The following TSHR variants were observed in gnomAD, a reference collection of about 807,000 sequenced individuals.
TSHR encodes thyrotropin receptor.
TSHR carries 51 observed loss-of-function variants against 64.1 expected under a neutral mutation model. That is an observed-to-expected ratio of 0.80 (90% CI 0.64 to 1.01). The LOEUF (loss-of-function observed/expected upper bound fraction) is 1.01, where lower values mean the gene tolerates loss of function less well. TSHR is among the 50% of genes least tolerant of loss of function. The pLI is 0.00. For synonymous variants in TSHR, 361 were observed against 361.9 expected, an observed-to-expected ratio of 1.00 and a Z score of 0.03; for missense variants, 877 against 942.8, an observed-to-expected ratio of 0.93 and a Z score of 0.91.
At chr14:81,081,356 A>T (rs1289709017) in intron 3 of TSHR, among the ~76,000 whole-genome samples, 2 of 152,126 alleles carry the variant, frequency 1.3e-5, no homozygotes, top group Non-Finnish European at 2.9e-5. Flanking sequence ...TACATTTACC[A>T]GCTTATTATA....
At chr14:81,077,676 A>G (rs935633828) in intron 3 of TSHR, among the ~76,000 whole-genome samples, 1 of 152,204 alleles carries the variant, frequency 6.6e-6, no homozygotes, top group African/African-American at 2.4e-5. Flanking sequence ...TGTTTAATCC[A>G]TGACATTTAT....
intron 1 of TSHR, among the ~76,000 whole-genome samples, chr14:81,041,087 T>C (rs1884897169): frequency 2.0e-5 from 3 of 152,224 alleles, no homozygotes; most frequent in South Asian, 4.1e-4. Context: ...AGTTCAGCCA[T>C]TGTGGAAGAA....
chr14:81,028,600 G>A (rs573776907), intron 1 of TSHR, among the ~76,000 whole-genome samples: 2 of 152,106 alleles, frequency 1.3e-5, no homozygotes, highest in Admixed American at 6.6e-5. Flanking sequence ...ATTGGATTAC[G>A]GTAATATAAG....
intron 7 of TSHR, 36 bp downstream of exon 7, chr14:81,096,743 C>T: frequency 6.2e-7 from 1 of 1,605,792 alleles, no homozygotes; most frequent in South Asian, 1.1e-5. Context: ...TGTCACTTTC[C>T]CTTACCCTAA....
At chr14:81,104,710 A>T (rs1889785431) in intron 7 of TSHR, 2 of 985,246 alleles carry the variant, frequency 2.0e-6, no homozygotes, top group Admixed American at 6.2e-5. Context: ...CTCATTCCTC[A>T]CCACCTTCAT....
At chr14:81,138,852 C>T (rs1272719367) in intron 8 of TSHR, among the ~76,000 whole-genome samples, 2 of 152,046 alleles carry the variant, frequency 1.3e-5, no homozygotes, top group Non-Finnish European at 2.9e-5. Context: ...ATATTCATGG[C>T]CTTATTCAAG....
At position 81,144,942 on chromosome 14, in the gene TSHR, T is replaced by G. The variant is rs1027599838; in HGVS notation, c.*589T>G. On this transcript the variant is annotated 3_prime_UTR_variant, in exon 10 of 10. Transcript: ENST00000298171. Reference sequence around the variant, plus strand: ...AAGTTTTGTTTTGCTTTGTTTTGTTTTTTAACTCAACCTATTAATCATCTC... The same window carrying G: ...AAGTTTTGTTTTGCTTTGTTTTGTTGTTTAACTCAACCTATTAATCATCTC... The G allele has an allele frequency of 4.3e-6, 1 of 234,620 alleles. No homozygotes were observed. The highest frequency in any genetic ancestry group is 2.2e-5 in the African/African-American group (1 of 45,362). 14.5% of individuals were successfully genotyped at this position (234,620 alleles called of 1,614,324 possible).
intron 4 of TSHR, among the ~76,000 whole-genome samples, chr14:81,089,533 A>C (rs868436338): frequency 2.0e-4 from 30 of 152,262 alleles, no homozygotes; most frequent in South Asian, 6.2e-4. Flanking sequence ...CTAGTTGAGG[A>C]GATGTGTATG....
chr14:81,070,520 G>A (rs1196668998), intron 3 of TSHR, among the ~76,000 whole-genome samples: 2 of 151,042 alleles, frequency 1.3e-5, no homozygotes, highest in African/African-American at 4.9e-5. Context: ...CCAGCTACTC[G>A]GGAGGCTGAG....
At chr14:81,006,114 A>C (rs2139768204) in intron 1 of TSHR, among the ~76,000 whole-genome samples, 1 of 152,282 alleles carries the variant, frequency 6.6e-6, no homozygotes, top group African/African-American at 2.4e-5. Flanking sequence ...CTTTAAAATA[A>C]ACTTTCTGTT....
intron 7 of TSHR, among the ~76,000 whole-genome samples, chr14:81,107,615 G>A (rs189786012): frequency 1.3e-5 from 2 of 152,070 alleles, no homozygotes; most frequent in Non-Finnish European, 2.9e-5. Context: ...TTTTTAAAAT[G>A]GAATGGCCAA....
At chr14:80,982,476 TG>T in intron 1 of TSHR, 1 of 1,077,648 alleles carries the variant, frequency 9.3e-7, no homozygotes, top group Non-Finnish European at 1.3e-6. Flanking sequence ...AACCTAGGTC[TG>T]GGGCTGAGGA....
chr14:81,008,330 G>A (rs961547513), intron 1 of TSHR, among the ~76,000 whole-genome samples: 9 of 151,764 alleles, frequency 5.9e-5, no homozygotes, highest in Non-Finnish European at 8.8e-5. Context: ...CCCCCACCAC[G>A]CCCGGCTAAT....
At chr14:81,122,739 C>T (rs1056056324) in intron 8 of TSHR, among the ~76,000 whole-genome samples, 11 of 152,302 alleles carry the variant, frequency 7.2e-5, no homozygotes, top group African/African-American at 2.6e-4. Flanking sequence ...ACTTCTGGGA[C>T]ATCAGACACC....
intron 6 of TSHR, among the ~76,000 whole-genome samples, chr14:81,094,678 A>ATTTTTTTTTTTTTTTT (rs1889012799): frequency 2.5e-5 from 2 of 78,526 alleles, no homozygotes; most frequent in East Asian, 3.9e-4. Flanking sequence ...TTATTTTTTT[A>ATTTTTTTTTTTTTTTT]ATTTTTTTTT....
chr14:81,040,798 G>C (rs1884882589), intron 1 of TSHR, among the ~76,000 whole-genome samples: 1 of 151,976 alleles, frequency 6.6e-6, no homozygotes, highest in Non-Finnish European at 1.5e-5. Flanking sequence ...CATCTATAAG[G>C]AACTTAAACA....
intron 8 of TSHR, among the ~76,000 whole-genome samples, chr14:81,129,630 C>G (rs1425688993): frequency 6.6e-6 from 1 of 152,224 alleles, no homozygotes; most frequent in Non-Finnish European, 1.5e-5. Flanking sequence ...CTTCAGTTCT[C>G]TAGTCCTCTC....
At chr14:80,956,755 T>G (rs1428894483) in intron 1 of TSHR, among the ~76,000 whole-genome samples, 2 of 152,188 alleles carry the variant, frequency 1.3e-5, no homozygotes, top group Admixed American at 1.3e-4. Context: ...CTCTAGATTT[T>G]CTCAAGAATT....
At chr14:80,988,963 G>A (rs1247888658) in intron 1 of TSHR, among the ~76,000 whole-genome samples, 3 of 152,076 alleles carry the variant, frequency 2.0e-5, no homozygotes, top group Middle Eastern at 3.4e-3. Flanking sequence ...TATCACTTGC[G>A]CCAACATCTC....
Sources: gnomAD v4.1 joint callset for allele counts (sites outside exome capture counted in the v4.1 genomes callset) on GRCh38, gnomAD v4.1.1 for gene constraint, MANE v1.5 for transcripts, NCBI Gene and HGNC (gene_info 2026-07-23, HGNC 2026-07-21) for gene names.